Variants in ARL10 observed in about 807,000 individuals in gnomAD.
ARL10 encodes the protein ARF like GTPase 10.
ARL10 carries 23 observed loss-of-function variants against 26.1 expected under a neutral mutation model. The ratio of observed to expected loss-of-function variants is 0.88; its 90% CI spans 0.63 to 1.25. ARL10 has a LOEUF of 1.25. Among genes scored for constraint, ARL10 ranks in the 50% most tolerant of loss-of-function variants. ARL10 has a pLI of 0.00. For synonymous variants in ARL10, 138 were observed against 149.1 expected, an observed-to-expected ratio of 0.93 and a Z score of 0.54; for missense variants, 300 against 323.6, an observed-to-expected ratio of 0.93 and a Z score of 0.56.
rs1408649587 is a variant in ARL10 at position 176,371,911 on chromosome 5, C to T, written c.*16C>T. On this transcript the variant is annotated 3_prime_UTR_variant, in exon 4 of 4. Transcript: ENST00000310389. Reference sequence around the variant, plus strand: ...CCTCTCCTAGGCTGGAGCTCTCCTGCTTGCCACCTGCCTGTCAAGACCATA... The same window carrying T: ...CCTCTCCTAGGCTGGAGCTCTCCTGTTTGCCACCTGCCTGTCAAGACCATA... The T allele has an allele frequency of 6.2e-7, 1 of 1,611,648 alleles. No homozygotes were observed. Among genetic ancestry groups the T allele is most frequent in the African/African-American group, 1.3e-5 (1 of 74,878 alleles).
In ARL10 at chr5:176,375,211, T is replaced by C. The variant is rs1377763227; in HGVS notation, c.*3316T>C. On this transcript the variant is annotated 3_prime_UTR_variant, in exon 4 of 4. Coordinates refer to ENST00000310389, the MANE Select transcript of ARL10 (RefSeq NM_173664.6). ...ACCCATCCATCCATCCATCCACTCA[T>C]CCACCCATCCACCCATCCATCCATC... 1.1e-5 allele frequency: 1 copy of C among 91,016 alleles called. No individual in the cohort carries two copies. Among genetic ancestry groups the C allele is most frequent in the African/African-American group, 4.3e-5 (1 of 23,204 alleles). 5.6% of individuals were successfully genotyped at this position (91,016 alleles called of 1,614,324 possible).
At chr5:176,393,279 G>A (rs1407519870), downstream of ARL10, among the ~76,000 whole-genome samples, 7 of 152,134 alleles carry the variant, frequency 4.6e-5, no homozygotes, top group African/African-American at 7.2e-5. The surrounding 1 kb of genome is among the most constrained non-coding windows in gnomAD (Gnocchi z 4.4). Flanking sequence ...CTTCCCCATC[G>A]GGAGTTCCCA....
rs190342442 is a variant in ARL10, at chr5:176,395,991, C to T, written c.134-5750C>T. Among the ~76,000 whole-genome samples, 654 of 152,170 alleles carry T rather than the reference C, an allele frequency of 4.3e-3. 2 individuals are homozygous for T. The highest frequency in any genetic ancestry group is 0.01 in the Middle Eastern group (3 of 294). On this transcript the variant is annotated intron_variant, in intron 1 of 1. Transcript: ENST00000514533. ...CTCTACTAAAAATACAAAAGTTAGCCGGGCACGGTTGCATGTGCCTATAAT... is the reference window on the plus strand; with the variant it reads ...CTCTACTAAAAATACAAAAGTTAGCTGGGCACGGTTGCATGTGCCTATAAT...
intron 3 of ARL10, among the ~76,000 whole-genome samples, chr5:176,371,136 A>C (rs1284115514): frequency 6.6e-6 from 1 of 152,188 alleles, no homozygotes; most frequent in Non-Finnish European, 1.5e-5. Flanking sequence ...GCACTTTGGG[A>C]GGCTGAGGCA....
At chr5:176,391,297 T>G (rs531887591), downstream of ARL10, among the ~76,000 whole-genome samples, 2 of 152,170 alleles carry the variant, frequency 1.3e-5, no homozygotes, top group East Asian at 3.9e-4. Context: ...TCCAAAAATG[T>G]TGAAGTCCTT....
Position 176,388,358 on chromosome 5 carries a change from A to T in ARL10, c.100A>T (p.Arg34Ter). Reference sequence around the variant, plus strand: ...GGATGTGGGAGCTACCGGCAAAGAGAGACATCGCGGATCCGTCATCTCGCG... The same window carrying T: ...GGATGTGGGAGCTACCGGCAAAGAGTGACATCGCGGATCCGTCATCTCGCG... Residue 34 changes from arginine (R) to a stop codon, truncating the protein, a stop_gained, in exon 2 of 2, where the codon AGA (arginine) becomes TGA (stop). Transcript: ENST00000503175. LOFTEE classifies it low-confidence loss of function (END_TRUNC). 1.2e-6 allele frequency: 2 copies of T among 1,613,638 alleles called. No homozygotes were observed. Among genetic ancestry groups the T allele is most frequent in the Non-Finnish European group, 1.7e-6 (2 of 1,179,556 alleles).
the ARL10 span, among the ~76,000 whole-genome samples, chr5:176,412,794 GC>G: frequency 6.6e-6 from 1 of 152,096 alleles, no homozygotes; most frequent in Non-Finnish European, 1.5e-5. Flanking sequence ...GGGTGTCCTG[GC>G]CCCTAAATCA....
intron 1 of ARL10, among the ~76,000 whole-genome samples, chr5:176,398,919 T>C (rs1756679763): frequency 1.3e-5 from 2 of 151,526 alleles, no homozygotes; most frequent in Admixed American, 1.3e-4. Flanking sequence ...GTTGGTTCAC[T>C]GCAACCTCTG....
In ARL10 at chr5:176,366,548, C is replaced by T. The variant is rs1768313602; in HGVS notation, c.352C>T (p.Pro118Ser). 6.2e-7 allele frequency: 1 copy of T among 1,614,024 alleles called. No individual in the cohort carries two copies. The highest frequency in any genetic ancestry group is 1.1e-5 in the South Asian group (1 of 91,096). Residue 118 changes from proline to serine, a missense_variant, in exon 2 of 4, where the codon CCC becomes TCC. Transcript: ENST00000310389. Reference sequence around the variant, plus strand: ...CTGGGGCTTCAACTCCGTGCGTCTGCCCACCAAGGACTTTGAGGTGGACCT... The same window carrying T: ...CTGGGGCTTCAACTCCGTGCGTCTGTCCACCAAGGACTTTGAGGTGGACCT... ...PTWGFNSVRLPTKDFEVDLLE... is the reference protein window; with the variant it reads ...PTWGFNSVRLSTKDFEVDLLE...
chr5:176,388,375 C>T, exon 2 of ARL10: 1 of 1,612,860 alleles, frequency 6.2e-7, no homozygotes, highest in Non-Finnish European at 8.5e-7. Context: ...GCGGATCCGT[C>T]ATCTCGCGGA....
At chr5:176,387,990 T>C (rs1756022004) in intron 1 of ARL10, among the ~76,000 whole-genome samples, 1 of 152,114 alleles carries the variant, frequency 6.6e-6, no homozygotes, top group Admixed American at 6.5e-5. Flanking sequence ...GAGATGCTAA[T>C]GGGTTAATTT....
chr5:176,383,566 C>G (rs1437282903), downstream of ARL10, among the ~76,000 whole-genome samples: 1 of 152,236 alleles, frequency 6.6e-6, no homozygotes, highest in Admixed American at 6.5e-5. Context: ...ATAAGCAATC[C>G]AAAGAAAAGC....
rs1240690866 is a variant in ARL10 at position 176,375,200 on chromosome 5, C to CCACT, written c.*3307_*3308insCTCA. ...CCCACCCATCCACCCATCCATCCATCCATCCACTCATCCACCCATCCACCC... is the reference window on the plus strand; with the variant it reads ...CCCACCCATCCACCCATCCATCCATCCACTCATCCACTCATCCACCCATCCACCC... On this transcript the variant is annotated 3_prime_UTR_variant, in exon 4 of 4. Coordinates refer to ENST00000310389, the MANE Select transcript of ARL10 (RefSeq NM_173664.6). 4.9e-4 allele frequency: 33 copies of CCACT among 67,094 alleles called. 1 individual carries two copies. Among genetic ancestry groups the CCACT allele is most frequent in the Non-Finnish European group, 1.0e-3 (25 of 24,108 alleles). 4.2% of individuals were successfully genotyped at this position (67,094 alleles called of 1,614,324 possible). A position where few individuals can be genotyped will look rare whatever the true frequency, so the allele number is the denominator to read the frequency against.
the ARL10 span, chr5:176,410,269 T>TC: frequency 6.2e-7 from 1 of 1,613,974 alleles, no homozygotes; most frequent in Non-Finnish European, 8.5e-7. Context: ...GAAACACATC[T>TC]CCATTGACTG....
In ARL10 at chr5:176,401,806, C is replaced by T. The variant is rs1206302012; in HGVS notation, c.*54C>T. On this transcript the variant is annotated 3_prime_UTR_variant, in exon 2 of 2. Coordinates refer to the ARL10 transcript ENST00000514533. Reference sequence around the variant, plus strand: ...GGTGCTGAGGCCCCAGCCTCCTGTTCGTCCTTGATTTCTCCTTCCTTCCCA... The same window carrying T: ...GGTGCTGAGGCCCCAGCCTCCTGTTTGTCCTTGATTTCTCCTTCCTTCCCA... The T allele has an allele frequency of 1.1e-5, 5 of 455,234 alleles. No individual in the cohort carries two copies. In the East Asian group the frequency reaches 2.8e-4, roughly 25 times the overall value. The allele number at this position is 455,234 out of a possible 1,614,324, so 28.2% of individuals were successfully genotyped here.
At chr5:176,400,276 A>T (rs900605322) in intron 1 of ARL10, among the ~76,000 whole-genome samples, 1 of 152,236 alleles carries the variant, frequency 6.6e-6, no homozygotes, top group Non-Finnish European at 1.5e-5. Flanking sequence ...ATGATTTAAT[A>T]CTATAATATT....
chr5:176,402,884 G>A (rs931054244), downstream of ARL10, among the ~76,000 whole-genome samples: 9 of 152,112 alleles, frequency 5.9e-5, no homozygotes, highest in Admixed American at 5.9e-4. Flanking sequence ...GGCATTTCAG[G>A]CCAAGAGCCA....
chr5:176,406,695 TG>T, downstream of ARL10: 1 of 1,288,294 alleles, frequency 7.8e-7, no homozygotes. Context: ...CTGGACCCGC[TG>T]GTGGTGCACG....
At chr5:176,400,120 C>T (rs1215171360) in intron 1 of ARL10, among the ~76,000 whole-genome samples, 3 of 150,206 alleles carry the variant, frequency 2.0e-5, no homozygotes, top group South Asian at 2.1e-4. Flanking sequence ...GAATCCGGGG[C>T]GGGGCAGGGG....
Sources: gnomAD v4.1 joint callset for allele counts (sites outside exome capture counted in the v4.1 genomes callset) on GRCh38, gnomAD v4.1.1 for gene constraint, Gnocchi (gnomAD v3.1) non-coding constraint, MANE v1.5 for transcripts, NCBI Gene and HGNC (gene_info 2026-07-23, HGNC 2026-07-21) for gene names.